Variants in HDAC4 observed in about 807,000 individuals in gnomAD.
HDAC4 encodes the protein histone deacetylase A.
HDAC4 carries 16 observed loss-of-function variants against 135.1 expected under a neutral mutation model. The ratio of observed to expected loss-of-function variants is 0.12; its 90% CI spans 0.08 to 0.18. The LOEUF (loss-of-function observed/expected upper bound fraction) is 0.18. Ranked by LOEUF, HDAC4 falls within the 10% of genes least tolerant of loss-of-function variation. The pLI, the probability that HDAC4 is intolerant of heterozygous loss-of-function variation, is 1.00. For synonymous variants in HDAC4, 685 were observed against 653.4 expected (o/e 1.05, Z -0.74); for missense variants, 1,143 against 1,511.8 (o/e 0.76, Z 4.05).
At position 239,081,156 on chromosome 2, in the gene HDAC4, T is replaced by C. The variant is rs751526252; in HGVS notation, c.2689A>G (p.Met897Val). Residue 897 changes from methionine (M) to valine (V), a missense_variant, in exon 22 of 27, where the codon ATG becomes GTG. Coordinates refer to ENST00000543185, the MANE Select transcript of HDAC4 (RefSeq NM_001378414.1). ...TGPGVGFNVN[M>V]AFTGGLDPPM... ...GGGTCCAGGCCGCCGGTGAAAGCCA[T>C]GTTGACGTTGAAACCCACGCCGGGC... 5.0e-6 allele frequency: 8 copies of C among 1,613,850 alleles called. No homozygotes were observed. In the African/African-American group the frequency reaches 6.7e-5, roughly 13 times the overall value.
At chr2:239,333,094 G>C (rs146905146) in intron 2 of HDAC4, among the ~76,000 whole-genome samples, 222 of 152,256 alleles carry the variant, frequency 1.5e-3, no homozygotes, top group African/African-American at 5.1e-3. Flanking sequence ...TCCAAGATAA[G>C]TTCATAAGCA....
intron 2 of HDAC4, among the ~76,000 whole-genome samples, chr2:239,258,093 T>C (rs1476127666): frequency 6.6e-6 from 1 of 151,908 alleles, no homozygotes; most frequent in Admixed American, 6.6e-5. Context: ...GAAGATGAGT[T>C]GGAAACTTGA....
Position 239,189,854 on chromosome 2 carries a change from C to A in HDAC4, c.318G>T (p.Ala106=), listed in dbSNP as rs972453387. ...TCACCTTGATGTGCTCGTGGAGCTGCGCCTCGTGCTGCCGGGAGAGCTGCT... is the reference window on the plus strand; with the variant it reads ...TCACCTTGATGTGCTCGTGGAGCTGAGCCTCGTGCTGCCGGGAGAGCTGCT... ...QHEQLSRQHE[A]QLHEHIKQQQ... is the part of the protein sequence containing the mutation. Residue 106 remains alanine (A), a synonymous_variant, in exon 4 of 27, where the codon GCG becomes GCT. Transcript: ENST00000543185. 6.2e-7 allele frequency: 1 copy of A among 1,608,242 alleles called. No individual in the cohort carries two copies. The highest frequency in any genetic ancestry group is 8.5e-7 in the Non-Finnish European group (1 of 1,179,740).
At position 239,049,637 on chromosome 2, in the gene HDAC4, CTT is replaced by C. The variant is rs1292865787; in HGVS notation, c.*3458_*3459del. 1 of 152,570 alleles carries C rather than the reference CTT, an allele frequency of 6.6e-6. No individual in the cohort carries two copies. The highest frequency in any genetic ancestry group is 6.5e-5 in the Admixed American group (1 of 15,286). The allele number at this position is 152,570 out of a possible 1,614,324, so 9.5% of individuals were successfully genotyped here. A position where few individuals can be genotyped will look rare whatever the true frequency, so the allele number is the denominator to read the frequency against. ...CATTGCTAGTGCTGCAAAAATCAAACTTGCTTTTGTGTCAGACCATTACGAAA... is the reference window on the plus strand; with the variant it reads ...CATTGCTAGTGCTGCAAAAATCAAACGCTTTTGTGTCAGACCATTACGAAA... On this transcript the variant is annotated 3_prime_UTR_variant, in exon 27 of 27. Coordinates refer to ENST00000543185, the MANE Select transcript of HDAC4 (RefSeq NM_001378414.1).
At chr2:239,148,816 G>A (rs1027587085) in intron 7 of HDAC4, among the ~76,000 whole-genome samples, 4 of 152,210 alleles carry the variant, frequency 2.6e-5, no homozygotes, top group African/African-American at 9.6e-5. Context: ...CGGGCAGTGG[G>A]GCCAGAAGCA....
chr2:239,380,771 G>A (rs1472709296), intron 1 of HDAC4, among the ~76,000 whole-genome samples: 2 of 152,136 alleles, frequency 1.3e-5, no homozygotes, highest in Non-Finnish European at 2.9e-5. Context: ...TGCCCAAACT[G>A]CTTGTTCACA....
At chr2:239,339,677 T>A (rs959383644) in intron 2 of HDAC4, among the ~76,000 whole-genome samples, 20 of 152,222 alleles carry the variant, frequency 1.3e-4, no homozygotes, top group African/African-American at 4.8e-4. Context: ...CCCTGCAATC[T>A]CCTGGCTAAG....
rs547945814 is a variant in HDAC4, at chr2:239,297,207, A to C, written c.22+55471T>G. 8.5e-5 allele frequency among the ~76,000 whole-genome samples: 13 copies of C among 152,286 alleles called. No homozygotes were observed. The South Asian group carries it at 2.5e-3, about 29-fold the overall frequency. On this transcript the variant is annotated intron_variant, in intron 2 of 26. Transcript: ENST00000543185. The stretch of plus-strand genomic sequence containing the variant: ...GACAAGGCAATCACAAAGGTGCCTG[A>C]GCCCCCAACCTTCCCACGAGCAGCC...
intron 3 of HDAC4, among the ~76,000 whole-genome samples, chr2:239,213,610 G>A (rs1277197043): frequency 1.3e-5 from 2 of 152,208 alleles, no homozygotes; most frequent in Non-Finnish European, 2.9e-5. Context: ...AGTGGCCGGA[G>A]CCACTACCCA....
rs562045604 is a variant in HDAC4 at position 239,053,810 on chromosome 2, T to C, written c.3089-209A>G. Among the ~76,000 whole-genome samples, 7 of 152,286 alleles carry C rather than the reference T, an allele frequency of 4.6e-5. No individual in the cohort carries two copies. In the East Asian group the frequency reaches 7.8e-4, roughly 17 times the overall value. On this transcript the variant is annotated intron_variant, in intron 25 of 26. Transcript: ENST00000543185. Reference sequence around the variant, plus strand: ...AAAAATCTCTGGAAATGTTTCCCCATTGTGAGTGGCTCGAGTCCCTCCAGG... The same window carrying C: ...AAAAATCTCTGGAAATGTTTCCCCACTGTGAGTGGCTCGAGTCCCTCCAGG...
Position 239,080,340 on chromosome 2 carries a change from C to T in HDAC4, c.2750+755G>A, listed in dbSNP as rs535053096. On this transcript the variant is annotated intron_variant, in intron 22 of 26. Transcript: ENST00000543185. ...CTGACAGCGTTTTCTAACAGAGACACGGCATGTCAGGCTCAGCCACGCTAA... is the reference window on the plus strand; with the variant it reads ...CTGACAGCGTTTTCTAACAGAGACATGGCATGTCAGGCTCAGCCACGCTAA... Among the ~76,000 whole-genome samples, 5 of 152,366 alleles carry T rather than the reference C, an allele frequency of 3.3e-5. No individual in the cohort carries two copies. The East Asian group carries it at 5.8e-4, about 18-fold the overall frequency.
At chr2:239,168,896 C>T (rs181836881) in intron 5 of HDAC4, among the ~76,000 whole-genome samples, 6 of 152,308 alleles carry the variant, frequency 3.9e-5, no homozygotes, top group Non-Finnish European at 8.8e-5. Flanking sequence ...TGAAAACCAC[C>T]GGGACGGCCG....
At chr2:239,274,407 G>A (rs535148807) in intron 2 of HDAC4, among the ~76,000 whole-genome samples, 7 of 152,152 alleles carry the variant, frequency 4.6e-5, no homozygotes, top group South Asian at 2.1e-4. Flanking sequence ...AGTGCACCCC[G>A]GCGTCCCCTC....
At chr2:239,390,710 G>A (rs1337372756) in intron 1 of HDAC4, among the ~76,000 whole-genome samples, 9 of 152,076 alleles carry the variant, frequency 5.9e-5, no homozygotes, top group Non-Finnish European at 1.5e-5. Context: ...CTGCCCTCCA[G>A]AGCGGCACTA....
chr2:239,089,488 C>G (rs572593163), intron 18 of HDAC4, among the ~76,000 whole-genome samples: 40 of 152,250 alleles, frequency 2.6e-4, no homozygotes, highest in African/African-American at 8.9e-4. Context: ...CCACCATGCC[C>G]AGCTAATTTT....
intron 4 of HDAC4, among the ~76,000 whole-genome samples, chr2:239,183,601 G>A (rs1229676462): frequency 1.3e-5 from 2 of 152,210 alleles, no homozygotes; most frequent in Non-Finnish European, 2.9e-5. Flanking sequence ...AGCTTGGGAG[G>A]CAGCTCATGC....
In HDAC4 at chr2:239,285,303, C is replaced by T. The variant is rs778118418; in HGVS notation, c.23-48639G>A. On this transcript the variant is annotated intron_variant, in intron 2 of 26. Transcript: ENST00000543185. This position sits in a 1 kb window ranked among gnomAD's most constrained non-coding sequence, Gnocchi z 4.5. ...GCAGATCCCTGCTGGGAGTGGAGAA[C>T]GCGCCGCGGCTGGGCCCCCAAGTTC... 3.9e-5 allele frequency among the ~76,000 whole-genome samples: 6 copies of T among 152,154 alleles called. No individual in the cohort carries two copies. The highest frequency in any genetic ancestry group is 7.3e-5 in the Non-Finnish European group (5 of 68,034).
chr2:239,104,144 G>A (rs1293710969), intron 15 of HDAC4, among the ~76,000 whole-genome samples: 1 of 152,216 alleles, frequency 6.6e-6, no homozygotes, highest in Non-Finnish European at 1.5e-5. Flanking sequence ...ACATGTCCCT[G>A]GAAAGCCAGG....
chr2:239,242,276 G>C (rs1469768977), intron 2 of HDAC4, among the ~76,000 whole-genome samples: 1 of 151,840 alleles, frequency 6.6e-6, no homozygotes, highest in Admixed American at 6.6e-5. Flanking sequence ...CAGTGCCTGG[G>C]ATTGCACTGC....
Sources: gnomAD v4.1 joint callset for allele counts (sites outside exome capture counted in the v4.1 genomes callset) on GRCh38, gnomAD v4.1.1 for gene constraint, Gnocchi (gnomAD v3.1) non-coding constraint, MANE v1.5 for transcripts, NCBI Gene and HGNC (gene_info 2026-07-23, HGNC 2026-07-21) for gene names.